Variants in SUSD1 observed in about 807,000 individuals in gnomAD.
SUSD1 encodes the protein sushi domain containing 1.
In SUSD1, 65 loss-of-function variants were observed where a neutral mutation model predicts 86.9. The observed-to-expected ratio is 0.75, with a 90% confidence interval of 0.61 to 0.92. SUSD1 has a LOEUF of 0.92. Among genes scored for constraint, SUSD1 ranks in the 40% least tolerant of loss-of-function variants. SUSD1 has a pLI of 0.00. For missense variants in SUSD1, 850 were observed against 929.7 expected (o/e 0.91, Z 1.11); for synonymous variants, 346 against 350.0 (o/e 0.99, Z 0.13).
chr9:112,056,436 T>C (rs1279059115), intron 14 of SUSD1, among the ~76,000 whole-genome samples: 1 of 152,226 alleles, frequency 6.6e-6, no homozygotes, highest in Non-Finnish European at 1.5e-5. Context: ...CACTTTAAAA[T>C]GGTTAAGACA....
chr9:112,170,276 T>C (rs540520491), intron 1 of SUSD1, among the ~76,000 whole-genome samples: 25 of 152,264 alleles, frequency 1.6e-4, no homozygotes, highest in African/African-American at 5.3e-4. Flanking sequence ...ATAGTGAATG[T>C]GCTGCTGTGA....
chr9:112,131,105 G>A (rs141252904), intron 5 of SUSD1, among the ~76,000 whole-genome samples: 2 of 152,294 alleles, frequency 1.3e-5, no homozygotes, highest in East Asian at 3.9e-4. Flanking sequence ...TACAAAGATG[G>A]AGGCCCTAAG....
chr9:112,142,345 C>A lies in SUSD1; in HGVS notation c.681G>T (p.Trp227Cys), dbSNP rs1364968306. The change falls in exon 5 of 17, where the codon TGG becomes TGT. Residue 227 changes from tryptophan (W) to cysteine (C), a missense_variant. By Grantham distance (215) the Trp-to-Cys change is radical. Transcript: ENST00000374270. ...CTTGGCAATGTAATTTTGGGGACTCCCATGTGCCCAGGCCTGTGCAGCTTG... is the reference window on the plus strand; with the variant it reads ...CTTGGCAATGTAATTTTGGGGACTCACATGTGCCCAGGCCTGTGCAGCTTG... ...TVSSCTGLGTWESPKLHCQEI... is the reference protein window; with the variant it reads ...TVSSCTGLGTCESPKLHCQEI... The A allele has an allele frequency of 4.4e-6, 7 of 1,601,954 alleles. No individual in the cohort carries two copies. Among genetic ancestry groups the A allele is most frequent in the Non-Finnish European group, 6.0e-6 (7 of 1,175,110 alleles).
chr9:112,152,929 A>G (rs1465279528), intron 2 of SUSD1, among the ~76,000 whole-genome samples: 1 of 112,878 alleles, frequency 8.9e-6, no homozygotes, highest in Non-Finnish European at 1.8e-5. Flanking sequence ...TAATTTTTTA[A>G]TTGGAAAAAA....
rs1436211662 is a variant in SUSD1 at position 112,140,279 on chromosome 9, G to A, written c.706+2041C>T. 2.6e-4 allele frequency among the ~76,000 whole-genome samples: 34 copies of A among 129,804 alleles called. 5 individuals carry two copies. Among genetic ancestry groups the A allele is most frequent in the Non-Finnish European group, 4.7e-5 (3 of 63,450 alleles). The allele number at this position is 129,804 out of a possible 152,430, so 85.2% of individuals were successfully genotyped here. A position where few individuals can be genotyped will look rare whatever the true frequency, so the allele number is the denominator to read the frequency against. On this transcript the variant is annotated intron_variant, in intron 5 of 16. Coordinates refer to ENST00000374270, the MANE Select transcript of SUSD1 (RefSeq NM_022486.5). ...GGGGAGGCTGAGGCAGGAGAATGGC[G>A]TGAACCCGGGAAGCGGAGCTTGCCG...
chr9:112,105,386 G>C (rs1830794617), intron 8 of SUSD1, among the ~76,000 whole-genome samples: 1 of 151,768 alleles, frequency 6.6e-6, no homozygotes, highest in African/African-American at 2.4e-5. Context: ...AAAAGAAAAT[G>C]TTCCTAATAT....
At chr9:112,045,653 G>A (rs1564240639) in intron 15 of SUSD1, among the ~76,000 whole-genome samples, 1 of 152,188 alleles carries the variant, frequency 6.6e-6, no homozygotes. Context: ...ATCACTTGAA[G>A]ACCTTGCTTT....
intron 13 of SUSD1, among the ~76,000 whole-genome samples, 177 bp from the exon 14 acceptor site, chr9:112,058,863 G>A (rs1165522680): frequency 6.6e-6 from 1 of 151,806 alleles, no homozygotes; most frequent in South Asian, 2.1e-4. Context: ...GTGCAATCTC[G>A]GCTCACTGCA....
chr9:112,097,204 T>C (rs1316001210), intron 10 of SUSD1, among the ~76,000 whole-genome samples: 2 of 151,432 alleles, frequency 1.3e-5, no homozygotes, highest in African/African-American at 4.8e-5. Flanking sequence ...TATGCGCCTG[T>C]AGTCCCAGCT....
intron 5 of SUSD1, among the ~76,000 whole-genome samples, chr9:112,135,297 T>C (rs150456674): frequency 3.2e-4 from 49 of 152,332 alleles, no homozygotes; most frequent in Admixed American, 1.1e-3. Context: ...TAACAATATA[T>C]TTTCTTCAGA....
At chr9:112,101,991 G>A (rs1830653239) in intron 9 of SUSD1, among the ~76,000 whole-genome samples, 185 bp downstream of exon 9, 1 of 152,158 alleles carries the variant, frequency 6.6e-6, no homozygotes, top group African/African-American at 2.4e-5. Flanking sequence ...ACCAAATATA[G>A]TATCTTTCTT....
intron 5 of SUSD1, among the ~76,000 whole-genome samples, chr9:112,124,840 C>T (rs567032677): frequency 1.4e-4 from 21 of 152,158 alleles, no homozygotes; most frequent in African/African-American, 5.1e-4. Context: ...CTTTTTAAAG[C>T]AAATTAATGG....
At chr9:112,042,020 C>T in intron 15 of SUSD1, 60 bp from the exon 16 acceptor site, 1 of 1,590,314 alleles carries the variant, frequency 6.3e-7, no homozygotes, top group Non-Finnish European at 8.6e-7. Flanking sequence ...TCCCAGGAGG[C>T]ACACACCCCA....
At chr9:112,057,792 C>T (rs1032578626) in intron 14 of SUSD1, among the ~76,000 whole-genome samples, 1 of 152,190 alleles carries the variant, frequency 6.6e-6, no homozygotes, top group Non-Finnish European at 1.5e-5. Flanking sequence ...TTCTAGTTTT[C>T]ATTACTGGCC....
At chr9:112,055,935 T>A (rs1352843552) in intron 14 of SUSD1, among the ~76,000 whole-genome samples, 1 of 152,160 alleles carries the variant, frequency 6.6e-6, no homozygotes, top group Non-Finnish European at 1.5e-5. Flanking sequence ...ATCCTACTTA[T>A]ATGAGGTACC....
chr9:112,120,697 G>A (rs1008660008), intron 6 of SUSD1, among the ~76,000 whole-genome samples: 1 of 152,232 alleles, frequency 6.6e-6, no homozygotes, highest in Non-Finnish European at 1.5e-5. Flanking sequence ...GCAGGCTGAG[G>A]ATGGTAATTA....
chr9:112,098,457 C>T lies in SUSD1; in HGVS notation c.1474+13G>A, dbSNP rs776438721. Reference sequence around the variant, plus strand: ...TGTCCTGAGGCACAAAAAAGAAAGACGTCTACACCCACCTGCTGGGGGAGT... The same window carrying T: ...TGTCCTGAGGCACAAAAAAGAAAGATGTCTACACCCACCTGCTGGGGGAGT... On this transcript the variant is annotated intron_variant, in intron 10 of 16. Transcript: ENST00000374270. 1.7e-5 allele frequency: 28 copies of T among 1,612,950 alleles called. No individual in the cohort carries two copies. The highest frequency in any genetic ancestry group is 2.2e-5 in the Non-Finnish European group (26 of 1,179,406).
At chr9:112,059,836 G>A (rs1207940927) in intron 13 of SUSD1, among the ~76,000 whole-genome samples, 1 of 152,186 alleles carries the variant, frequency 6.6e-6, no homozygotes, top group Non-Finnish European at 1.5e-5. Flanking sequence ...CTAGTACCAT[G>A]TTGAGCATCT....
chr9:112,091,877 A>G (rs890056085), intron 10 of SUSD1, among the ~76,000 whole-genome samples: 9 of 152,162 alleles, frequency 5.9e-5, no homozygotes, highest in Admixed American at 2.6e-4. Context: ...ACAACTGTGA[A>G]ATTTTTCAGG....
Sources: allele counts gnomAD v4.1 joint callset (sites outside exome capture counted in the v4.1 genomes callset), GRCh38; gene constraint gnomAD v4.1.1; transcripts MANE v1.5; gene names NCBI Gene and HGNC (gene_info 2026-07-23, HGNC 2026-07-21).